ULK4: variants seen among roughly 807,000 people sequenced by gnomAD.
The protein encoded by ULK4 is inactive serine/threonine-protein kinase ULK4.
A neutral mutation model predicts 160.6 loss-of-function variants in ULK4; 133 were observed. The ratio of observed to expected loss-of-function variants is 0.83; its 90% CI spans 0.72 to 0.96. The LOEUF (loss-of-function observed/expected upper bound fraction) is 0.96, where lower values mean the gene tolerates loss of function less well. Ranked by LOEUF, ULK4 falls within the 40% of genes least tolerant of loss-of-function variation. The pLI, the probability that ULK4 is intolerant of heterozygous loss-of-function variation, is 0.00. For synonymous variants in ULK4, 534 were observed against 539.8 expected, an observed-to-expected ratio of 0.99 and a Z score of 0.15; for missense variants, 1,580 against 1,499.5, an observed-to-expected ratio of 1.05 and a Z score of -0.89.
At chr3:41,810,137 C>G (rs561762507) in intron 19 of ULK4, among the ~76,000 whole-genome samples, 10 of 152,338 alleles carry the variant, frequency 6.6e-5, no homozygotes, top group African/African-American at 2.2e-4. Context: ...AGGAAAGACA[C>G]TGCCCTGTCT....
At chr3:41,917,879 C>T (rs1269296945) in intron 7 of ULK4, among the ~76,000 whole-genome samples, 3 of 151,702 alleles carry the variant, frequency 2.0e-5, no homozygotes, top group South Asian at 2.1e-4. Context: ...CCCAGCTACT[C>T]GGGAGGCTGA....
At chr3:41,958,532 T>G (rs1700558421) in intron 1 of ULK4, among the ~76,000 whole-genome samples, 1 of 147,732 alleles carries the variant, frequency 6.8e-6, no homozygotes, top group African/African-American at 2.5e-5. Context: ...TGAAACCTCA[T>G]CTCTACTAAA....
intron 35 of ULK4, among the ~76,000 whole-genome samples, chr3:41,280,218 T>C (rs2079324845): frequency 6.6e-6 from 1 of 152,218 alleles, no homozygotes; most frequent in African/African-American, 2.4e-5. Context: ...TGGGAGACTT[T>C]AATACCACAT....
intron 31 of ULK4, among the ~76,000 whole-genome samples, chr3:41,571,700 T>C (rs1227191590): frequency 6.6e-6 from 1 of 152,192 alleles, no homozygotes; most frequent in Admixed American, 6.5e-5. Flanking sequence ...TATTTCATCA[T>C]TAGATGCTCC....
At chr3:41,466,017 A>T (rs1047104160) in intron 32 of ULK4, among the ~76,000 whole-genome samples, 3 of 152,194 alleles carry the variant, frequency 2.0e-5, no homozygotes, top group African/African-American at 7.2e-5. Flanking sequence ...ACCATTGTGA[A>T]CATAATGCAT....
At chr3:41,549,106 C>T (rs963952523) in intron 32 of ULK4, among the ~76,000 whole-genome samples, 3 of 152,012 alleles carry the variant, frequency 2.0e-5, no homozygotes, top group Non-Finnish European at 4.4e-5. Flanking sequence ...CAAGATGCAT[C>T]GATATCAACA....
chr3:41,544,454 T>C (rs928089634), intron 32 of ULK4, among the ~76,000 whole-genome samples: 6 of 152,216 alleles, frequency 3.9e-5, no homozygotes, highest in Non-Finnish European at 7.3e-5. Flanking sequence ...GAAGAGAGAC[T>C]GGGTCCCCTT....
chr3:41,959,481 C>T (rs79323474), intron 1 of ULK4, among the ~76,000 whole-genome samples: 18,720 of 151,770 alleles, frequency 0.12, 1,356 homozygotes, highest in Middle Eastern at 0.27. Context: ...GAGCCGATTG[C>T]GCCACTGCAC....
intron 30 of ULK4, among the ~76,000 whole-genome samples, chr3:41,616,486 C>A (rs936116483): frequency 5.3e-5 from 8 of 152,132 alleles, no homozygotes; most frequent in African/African-American, 1.9e-4. Context: ...GTCCAACCCA[C>A]AGAGGGATAG....
At chr3:41,558,366 G>T (rs1001267755) in intron 32 of ULK4, among the ~76,000 whole-genome samples, 14 of 152,060 alleles carry the variant, frequency 9.2e-5, no homozygotes, top group African/African-American at 3.4e-4. Flanking sequence ...TTTCTTAGGG[G>T]AGGAAAAAAA....
At chr3:41,873,810 C>T (rs1403011169) in intron 17 of ULK4, among the ~76,000 whole-genome samples, 2 of 151,900 alleles carry the variant, frequency 1.3e-5, no homozygotes, top group African/African-American at 2.4e-5. Flanking sequence ...GCCTCAGCCT[C>T]CCAAAAGTGC....
chr3:41,682,616 G>A (rs561416817), intron 27 of ULK4, among the ~76,000 whole-genome samples: 1 of 152,334 alleles, frequency 6.6e-6, no homozygotes, highest in Admixed American at 6.5e-5. Flanking sequence ...TGGCCCATCA[G>A]TATTAACATA....
intron 32 of ULK4, among the ~76,000 whole-genome samples, chr3:41,470,981 C>T (rs2083975565): frequency 6.6e-6 from 1 of 152,038 alleles, no homozygotes; most frequent in Non-Finnish European, 1.5e-5. Flanking sequence ...TTGATAATTA[C>T]CTTGAATGTA....
intron 27 of ULK4, among the ~76,000 whole-genome samples, chr3:41,696,091 G>A (rs994400888): frequency 2.0e-5 from 3 of 152,122 alleles, no homozygotes; most frequent in South Asian, 4.1e-4. Context: ...ACTACTTAGC[G>A]GAACGGGAAA....
rs1553637296 is a variant in ULK4 at position 41,706,361 on chromosome 3, T to TATATA, written c.2635-1057_2635-1056insTATAT. On this transcript the variant is annotated intron_variant, in intron 25 of 36. Coordinates refer to ENST00000301831, the MANE Select transcript of ULK4 (RefSeq NM_017886.4). The stretch of plus-strand genomic sequence containing the variant: ...AATAAACAAAATAATATATATATAT[T>TATATA]TATATATATATTTAATATATATATT... 4.6e-5 allele frequency among the ~76,000 whole-genome samples: 6 copies of TATATA among 131,518 alleles called. No individual in the cohort carries two copies. The East Asian group carries it at 1.3e-3, about 28-fold the overall frequency. 86.3% of individuals were successfully genotyped at this position (131,518 alleles called of 152,430 possible). A position where few individuals can be genotyped will look rare whatever the true frequency, so the allele number is the denominator to read the frequency against.
At chr3:41,630,900 T>C (rs2033713129) in intron 30 of ULK4, among the ~76,000 whole-genome samples, 1 of 152,120 alleles carries the variant, frequency 6.6e-6, no homozygotes, top group South Asian at 2.1e-4. Context: ...TCATATTTGC[T>C]CAGCAACTGA....
chr3:41,642,246 T>C (rs547762403), intron 30 of ULK4, among the ~76,000 whole-genome samples: 2 of 152,268 alleles, frequency 1.3e-5, no homozygotes, highest in East Asian at 3.9e-4. Context: ...CGTGCAGGTT[T>C]GTTACTTATG....
chr3:41,515,461 T>C (rs2125927061), intron 32 of ULK4, among the ~76,000 whole-genome samples: 1 of 152,238 alleles, frequency 6.6e-6, no homozygotes, highest in African/African-American at 2.4e-5. Context: ...AGTAGAGGTA[T>C]TAGCCTGTTC....
chr3:41,557,244 C>T (rs2087331593), intron 32 of ULK4, among the ~76,000 whole-genome samples: 2 of 151,744 alleles, frequency 1.3e-5, no homozygotes, highest in South Asian at 4.2e-4. Flanking sequence ...AAAAAAGATC[C>T]TCAGACAAAT....
Sources: allele counts gnomAD v4.1 joint callset (sites outside exome capture counted in the v4.1 genomes callset), GRCh38; gene constraint gnomAD v4.1.1; transcripts MANE v1.5; gene names NCBI Gene and HGNC (gene_info 2026-07-23, HGNC 2026-07-21).